The following PBRM1 variants were observed in gnomAD, a reference collection of about 807,000 sequenced individuals.
PBRM1 encodes protein polybromo-1.
In PBRM1, 27 loss-of-function variants were observed where a neutral mutation model predicts 194.5. The ratio of observed to expected loss-of-function variants is 0.14; its 90% CI spans 0.10 to 0.19. PBRM1 has a LOEUF of 0.19. PBRM1 is among the 10% of genes least tolerant of loss of function. The probability of loss-of-function intolerance (pLI) is 1.00; values close to 1 mark genes in which losing one functional copy is unlikely to be tolerated. For synonymous variants in PBRM1, 655 were observed against 693.2 expected, an observed-to-expected ratio of 0.94 and a Z score of 0.87; for missense variants, 1,466 against 2,077.2, an observed-to-expected ratio of 0.71 and a Z score of 5.72.
At chr3:52,676,985 A>G (rs2097120474) in intron 2 of PBRM1, among the ~76,000 whole-genome samples, 1 of 152,246 alleles carries the variant, frequency 6.6e-6, no homozygotes, top group Non-Finnish European at 1.5e-5. Context: ...ACTTCTAAGC[A>G]GCAAAGCATT....
chr3:52,641,649 G>C (rs766977562), intron 10 of PBRM1, among the ~76,000 whole-genome samples: 1 of 152,032 alleles, frequency 6.6e-6, no homozygotes, highest in Non-Finnish European at 1.5e-5. Context: ...TAAGATGAAT[G>C]TGGATTTCTG....
At chr3:52,668,380 C>A (rs1014413474) in intron 3 of PBRM1, 118 bp downstream of exon 4, 2 of 649,766 alleles carry the variant, frequency 3.1e-6, no homozygotes, top group African/African-American at 3.9e-5. Context: ...AAGACAAATG[C>A]GAACTCAAGC....
chr3:52,591,207 C>T (rs1310656285), intron 17 of PBRM1, among the ~76,000 whole-genome samples: 4 of 152,100 alleles, frequency 2.6e-5, no homozygotes, highest in South Asian at 2.1e-4. Flanking sequence ...TGCAAAGAGA[C>T]GTAGTTTGAC....
At chr3:52,667,157 T>C (rs2096855844) in intron 3 of PBRM1, among the ~76,000 whole-genome samples, 1 of 152,002 alleles carries the variant, frequency 6.6e-6, no homozygotes, top group Non-Finnish European at 1.5e-5. Context: ...CAAAAATCAA[T>C]CCTAGCTGCA....
At chr3:52,575,894 G>A (rs1431076957) in intron 22 of PBRM1, among the ~76,000 whole-genome samples, 1 of 151,852 alleles carries the variant, frequency 6.6e-6, no homozygotes, top group Non-Finnish European at 1.5e-5. Flanking sequence ...TATAAATGAA[G>A]AGACAAATTA....
chr3:52,630,022 C>A (rs952353604), intron 11 of PBRM1, among the ~76,000 whole-genome samples: 3 of 152,130 alleles, frequency 2.0e-5, no homozygotes, highest in Non-Finnish European at 4.4e-5. Flanking sequence ...GCTCTCAGTA[C>A]CAGGTTGTGT....
chr3:52,555,164 G>A (rs564192867), intron 26 of PBRM1, among the ~76,000 whole-genome samples: 2 of 152,266 alleles, frequency 1.3e-5, no homozygotes, highest in East Asian at 3.9e-4. Context: ...ATAGTAAAGA[G>A]TTCTAGTAAC....
intron 17 of PBRM1, among the ~76,000 whole-genome samples, chr3:52,595,865 C>A (rs1353788353): frequency 6.6e-6 from 1 of 152,132 alleles, no homozygotes; most frequent in Non-Finnish European, 1.5e-5. Context: ...ATACTGATAT[C>A]CAGTTTTCCC....
At chr3:52,666,053 A>G (rs2096827361) in intron 3 of PBRM1, among the ~76,000 whole-genome samples, 1 of 152,222 alleles carries the variant, frequency 6.6e-6, no homozygotes. Context: ...AGAGGTAATA[A>G]GAGGAAAAAA....
chr3:52,667,162 G>C (rs1461164888), intron 3 of PBRM1, among the ~76,000 whole-genome samples: 1 of 152,024 alleles, frequency 6.6e-6, no homozygotes, highest in Admixed American at 6.6e-5. Flanking sequence ...ATCAATCCTA[G>C]CTGCATTAAA....
chr3:52,591,759 C>A (rs1166233365), intron 17 of PBRM1, among the ~76,000 whole-genome samples: 18 of 148,122 alleles, frequency 1.2e-4, no homozygotes, highest in African/African-American at 4.5e-4. Flanking sequence ...ACCTCGTGAT[C>A]CACCCGCCCC....
chr3:52,560,325 C>T (rs937368227), intron 25 of PBRM1, among the ~76,000 whole-genome samples: 15 of 152,324 alleles, frequency 9.8e-5, no homozygotes, highest in African/African-American at 3.4e-4. Context: ...TGATTTTCAA[C>T]ACTCCTCCAG....
upstream of PBRM1, among the ~76,000 whole-genome samples, chr3:52,684,102 A>G (rs1385654952): frequency 7.0e-6 from 1 of 143,572 alleles, no homozygotes; most frequent in Non-Finnish European, 1.5e-5. Context: ...TAGGAGCACA[A>G]GGCTTCAGTG....
At chr3:52,647,443 AAAAAAAAAAAAAAAATATATATAT>A (rs1218916538) in intron 7 of PBRM1, among the ~76,000 whole-genome samples, 29 of 78,588 alleles carry the variant, frequency 3.7e-4, no homozygotes, top group Admixed American at 1.3e-3. Context: ...AAAAAAAAAA[AAAAAAAAAAAAAAAATATATATAT>A]ATATATATAT....
intron 16 of PBRM1, among the ~76,000 whole-genome samples, chr3:52,605,840 T>C (rs1483221528): frequency 2.6e-5 from 4 of 151,982 alleles, no homozygotes; most frequent in Admixed American, 6.6e-5. Flanking sequence ...TGACCTCAGG[T>C]GATCCGCCCG....
upstream of PBRM1, chr3:52,679,860 GT>G (rs771655951): frequency 0.1 from 40,197 of 386,512 alleles, 5 homozygotes; most frequent in Middle Eastern, 0.13. Context: ...CTAGCTATAA[GT>G]TTTTTTTTTT....
intron 20 of PBRM1, 142 bp downstream of exon 22, chr3:52,586,283 T>C: frequency 1.4e-6 from 1 of 702,134 alleles, no homozygotes; most frequent in African/African-American, 1.8e-5. Context: ...TAAATTTCTT[T>C]CTGTTATAGT....
intron 22 of PBRM1, among the ~76,000 whole-genome samples, chr3:52,564,945 T>C (rs2084670206): frequency 6.6e-6 from 1 of 152,122 alleles, no homozygotes; most frequent in East Asian, 1.9e-4. Context: ...ATGCCTGTAA[T>C]CCCAGTACTT....
chr3:52,665,303 C>T (rs1045720034), intron 3 of PBRM1, among the ~76,000 whole-genome samples: 2 of 151,708 alleles, frequency 1.3e-5, no homozygotes, highest in Non-Finnish European at 2.9e-5. Flanking sequence ...TACTGGTGCA[C>T]GTCACCATGC....
Sources: allele counts gnomAD v4.1 joint callset (sites outside exome capture counted in the v4.1 genomes callset), GRCh38; gene constraint gnomAD v4.1.1; transcripts MANE v1.5; gene names NCBI Gene and HGNC (gene_info 2026-07-23, HGNC 2026-07-21).